Variants in SPATA16 observed in about 807,000 individuals in gnomAD.
The protein encoded by SPATA16 is spermatogenesis-associated protein 16.
In SPATA16, 36 loss-of-function variants were observed where a neutral mutation model predicts 63.3. The ratio of observed to expected loss-of-function variants is 0.57; its 90% CI spans 0.44 to 0.75. SPATA16 has a LOEUF of 0.75. Ranked by LOEUF, SPATA16 falls within the 30% of genes least tolerant of loss-of-function variation. The probability of loss-of-function intolerance (pLI) is 0.00; values close to 1 mark genes in which losing one functional copy is unlikely to be tolerated. For synonymous variants in SPATA16, 203 were observed against 216.7 expected, an observed-to-expected ratio of 0.94 and a Z score of 0.56; for missense variants, 646 against 679.3, an observed-to-expected ratio of 0.95 and a Z score of 0.54.
At chr3:172,913,002 G>T (rs1475193980) in intron 10 of SPATA16, among the ~76,000 whole-genome samples, 1 of 152,154 alleles carries the variant, frequency 6.6e-6, no homozygotes, top group Non-Finnish European at 1.5e-5. Flanking sequence ...TCCCCTGGTG[G>T]GTTCTTACAG....
intron 3 of SPATA16, among the ~76,000 whole-genome samples, chr3:173,048,686 C>T (rs1210278490): frequency 6.6e-6 from 1 of 152,154 alleles, no homozygotes; most frequent in Non-Finnish European, 1.5e-5. Flanking sequence ...CTCGTTTCTT[C>T]CCGCAGCAAT....
chr3:173,083,124 T>C (rs1736963737), intron 2 of SPATA16, among the ~76,000 whole-genome samples: 1 of 151,544 alleles, frequency 6.6e-6, no homozygotes, highest in Non-Finnish European at 1.5e-5. Context: ...TTTATAGGCT[T>C]TTTTTTTACT....
intron 10 of SPATA16, among the ~76,000 whole-genome samples, chr3:172,901,684 G>T (rs895606260): frequency 6.6e-6 from 1 of 152,084 alleles, no homozygotes; most frequent in Non-Finnish European, 1.5e-5. Flanking sequence ...AGAGGTTCAG[G>T]TTCCCAATTC....
rs529182987 is a variant in SPATA16 at position 172,908,216 on chromosome 3, T to G, written c.1587+5445A>C. On this transcript the variant is annotated intron_variant, in intron 10 of 10. Transcript: ENST00000351008. ...GGGATGTTCAAAAGAGTATGTTTCC[T>G]CAGGTGTTTTAGTCATATAATAAAA... Among the ~76,000 whole-genome samples the G allele has an allele frequency of 4.6e-5, 7 of 152,332 alleles. No individual in the cohort carries two copies. The South Asian group carries it at 1.4e-3, about 32-fold the overall frequency.
chr3:172,901,222 A>T (rs1344454612), intron 10 of SPATA16, among the ~76,000 whole-genome samples: 1 of 151,648 alleles, frequency 6.6e-6, no homozygotes, highest in African/African-American at 2.4e-5. Flanking sequence ...TTTTTGAGAC[A>T]AGAGTCTCAC....
At chr3:172,919,294 AG>A (rs919695048) in intron 8 of SPATA16, among the ~76,000 whole-genome samples, 4 of 152,228 alleles carry the variant, frequency 2.6e-5, no homozygotes, top group Non-Finnish European at 5.9e-5. Flanking sequence ...TGAAATAATT[AG>A]GACAGAAATC....
At chr3:172,906,977 C>T (rs1175382107) in intron 10 of SPATA16, among the ~76,000 whole-genome samples, 3 of 152,060 alleles carry the variant, frequency 2.0e-5, no homozygotes, top group Non-Finnish European at 4.4e-5. Context: ...TACTTTTTAC[C>T]TCTCATGAGG....
At chr3:173,022,786 G>T (rs1192272933) in intron 3 of SPATA16, among the ~76,000 whole-genome samples, 1 of 151,680 alleles carries the variant, frequency 6.6e-6, no homozygotes. Context: ...AGCAATCTCA[G>T]AGCTGATTGG....
chr3:173,075,015 A>G lies in SPATA16; in HGVS notation c.613-25921T>C, dbSNP rs1337759191. Among the ~76,000 whole-genome samples, 13 of 145,336 alleles carry G rather than the reference A, an allele frequency of 8.9e-5. No individual in the cohort carries two copies. In the East Asian group the frequency reaches 2.4e-3, roughly 27 times the overall value. On this transcript the variant is annotated intron_variant, in intron 2 of 10. Coordinates refer to ENST00000351008, the MANE Select transcript of SPATA16 (RefSeq NM_031955.6). Reference sequence around the variant, plus strand: ...CTCAAAAAAAAAAAAAAAAAAAAGGAAAGAAAAGAAAAAAAGAAAAACTAA... The same window carrying G: ...CTCAAAAAAAAAAAAAAAAAAAAGGGAAGAAAAGAAAAAAAGAAAAACTAA...
At chr3:173,012,844 A>T (rs560327312) in intron 4 of SPATA16, among the ~76,000 whole-genome samples, 3 of 152,224 alleles carry the variant, frequency 2.0e-5, no homozygotes, top group Non-Finnish European at 4.4e-5. Context: ...AACCTAGGAT[A>T]TACCTACCAT....
intron 1 of SPATA16, among the ~76,000 whole-genome samples, chr3:173,131,716 C>T (rs1738390972): frequency 6.6e-6 from 1 of 152,108 alleles, no homozygotes; most frequent in Non-Finnish European, 1.5e-5. Flanking sequence ...ACACTTTCAG[C>T]TGAAACTCTT....
intron 3 of SPATA16, among the ~76,000 whole-genome samples, chr3:173,020,028 G>C (rs968220436): frequency 6.6e-6 from 1 of 151,464 alleles, no homozygotes; most frequent in Non-Finnish European, 1.5e-5. Flanking sequence ...GGGTGCGGTG[G>C]CTCATGCCTG....
chr3:173,057,414 A>G (rs903269414), intron 2 of SPATA16, among the ~76,000 whole-genome samples: 49 of 151,286 alleles, frequency 3.2e-4, no homozygotes, highest in Middle Eastern at 3.4e-3. Flanking sequence ...TACCTGGCCT[A>G]TAGTGTTTTC....
At chr3:173,037,325 C>G (rs1418083041) in intron 3 of SPATA16, among the ~76,000 whole-genome samples, 1 of 151,982 alleles carries the variant, frequency 6.6e-6, no homozygotes, top group Non-Finnish European at 1.5e-5. Context: ...AACTACTTTC[C>G]CAGAGCCTGT....
intron 6 of SPATA16, among the ~76,000 whole-genome samples, chr3:172,949,776 G>A (rs1733384999): frequency 6.6e-6 from 1 of 151,980 alleles, no homozygotes; most frequent in Admixed American, 6.6e-5. Flanking sequence ...CTGAGAAACT[G>A]GTAAGACCAT....
intron 2 of SPATA16, among the ~76,000 whole-genome samples, chr3:173,083,864 C>T (rs1293827535): frequency 6.6e-6 from 1 of 152,064 alleles, no homozygotes; most frequent in Non-Finnish European, 1.5e-5. Flanking sequence ...ATATATGTAC[C>T]ACATTTTCTT....
intron 1 of SPATA16, among the ~76,000 whole-genome samples, chr3:173,120,083 A>G (rs1368175953): frequency 4.1e-5 from 6 of 145,236 alleles, no homozygotes; most frequent in African/African-American, 1.7e-4. Flanking sequence ...GCGAAACTCC[A>G]TCTCAAAAAA....
At chr3:173,105,765 C>T (rs1360675831) in intron 2 of SPATA16, among the ~76,000 whole-genome samples, 1 of 150,862 alleles carries the variant, frequency 6.6e-6, no homozygotes, top group African/African-American at 2.4e-5. Context: ...CCCTCTTTTC[C>T]TCCCTCCCTC....
intron 10 of SPATA16, among the ~76,000 whole-genome samples, chr3:172,898,491 T>C (rs1429130244): frequency 6.6e-6 from 1 of 152,020 alleles, no homozygotes; most frequent in African/African-American, 2.4e-5. Flanking sequence ...GTTGTCAAAT[T>C]TATATATGTA....
Sources: gnomAD v4.1 joint callset for allele counts (sites outside exome capture counted in the v4.1 genomes callset) on GRCh38, gnomAD v4.1.1 for gene constraint, MANE v1.5 for transcripts, NCBI Gene and HGNC (gene_info 2026-07-23, HGNC 2026-07-21) for gene names.